Variants in TPCN1 observed in about 807,000 individuals in gnomAD.
TPCN1 encodes the protein two pore channel protein 1.
TPCN1 carries 52 observed loss-of-function variants against 108.8 expected under a neutral mutation model. That is an observed-to-expected ratio of 0.48 (90% CI 0.38 to 0.60). TPCN1 has a LOEUF of 0.60. Ranked by LOEUF, TPCN1 falls within the 20% of genes least tolerant of loss-of-function variation. The pLI is 0.00. For synonymous variants in TPCN1, 446 were observed against 433.7 expected (o/e 1.03, Z -0.35); for missense variants, 806 against 1,072.8 (o/e 0.75, Z 3.47).
intron 2 of TPCN1, among the ~76,000 whole-genome samples, chr12:113,241,592 T>C (rs185803869): frequency 2.0e-5 from 3 of 152,318 alleles, no homozygotes; most frequent in African/African-American, 7.2e-5. Context: ...AGCGCACCAG[T>C]GCACAGTGAA....
At position 113,266,120 on chromosome 12, in the gene TPCN1, C is replaced by G. The variant is rs1284159417; in HGVS notation, c.238-60C>G. Reference sequence around the variant, plus strand: ...TTCCTTTCCTCCCCTGCCCGCGGCTCCTCTTTGGCGTTGGATGGGTCTCCA... The same window carrying G: ...TTCCTTTCCTCCCCTGCCCGCGGCTGCTCTTTGGCGTTGGATGGGTCTCCA... On this transcript the variant is annotated intron_variant, in intron 3 of 27. Coordinates refer to ENST00000335509, the MANE Select transcript of TPCN1 (RefSeq NM_017901.6). This position sits in a 1 kb window ranked among gnomAD's most constrained non-coding sequence, Gnocchi z 4.2. 4 of 1,586,322 alleles carry G rather than the reference C, an allele frequency of 2.5e-6. No individual in the cohort carries two copies. The highest frequency in any genetic ancestry group is 1.3e-5 in the African/African-American group (1 of 74,356).
At position 113,278,808 on chromosome 12, in the gene TPCN1, C is replaced by A; in HGVS notation, c.1270C>A (p.Pro424Thr). 6.2e-7 allele frequency: 1 copy of A among 1,613,982 alleles called. No homozygotes were observed. The change falls in exon 14 of 28, where the codon CCC becomes ACC. Residue 424 changes from proline to threonine, a missense_variant. Coordinates refer to ENST00000335509, the MANE Select transcript of TPCN1 (RefSeq NM_017901.6). The part of the protein sequence containing the change: ...KNREHWFDEL[P>T]RTALLIFKGI... ...CAGAGAGCACTGGTTTGATGAGCTTCCCAGGACGGCGCTCCTCATCTTCAA... is the reference window on the plus strand; with the variant it reads ...CAGAGAGCACTGGTTTGATGAGCTTACCAGGACGGCGCTCCTCATCTTCAA...
rs531916685 is a variant in TPCN1, at chr12:113,265,551, T to TC, written c.238-629_238-628insC. On this transcript the variant is annotated intron_variant, in intron 3 of 27. Transcript: ENST00000335509. ...AGGACCTTTTTTCTTTTTCTTTCTT[T>TC]TTTTTTTTTTTTTGAGACCAGGTCT... Among the ~76,000 whole-genome samples the TC allele has an allele frequency of 7.4e-5, 11 of 149,618 alleles. No homozygotes were observed. In the South Asian group the frequency reaches 2.3e-3, roughly 31 times the overall value.
chr12:113,275,899 C>T (rs562911390), intron 10 of TPCN1, among the ~76,000 whole-genome samples: 2 of 152,302 alleles, frequency 1.3e-5, no homozygotes, highest in African/African-American at 4.8e-5. Context: ...TTTAATTCCT[C>T]AAAACCAAGA....
intron 3 of TPCN1, among the ~76,000 whole-genome samples, chr12:113,262,357 C>G (rs1955073198): frequency 6.6e-6 from 1 of 150,740 alleles, no homozygotes; most frequent in South Asian, 2.1e-4. Context: ...CTCCAGTGAG[C>G]CGTGTTTGTG....
intron 14 of TPCN1, among the ~76,000 whole-genome samples, chr12:113,279,898 G>T (rs1025966555): frequency 2.0e-5 from 3 of 152,130 alleles, no homozygotes; most frequent in Non-Finnish European, 4.4e-5. Context: ...CTTGGTTCCA[G>T]GTTGCTCAGG....
chr12:113,275,798 A>G (rs1221751845), intron 10 of TPCN1, among the ~76,000 whole-genome samples: 2 of 151,654 alleles, frequency 1.3e-5, no homozygotes, highest in African/African-American at 4.8e-5. Context: ...GGATGGTCTC[A>G]ATCTCCTGAC....
At chr12:113,280,391 C>T (rs1262627637) in intron 15 of TPCN1, 196 bp downstream of exon 15, 11 of 473,214 alleles carry the variant, frequency 2.3e-5, no homozygotes, top group East Asian at 6.2e-5. Flanking sequence ...ATCTTCACTC[C>T]GGCTCATCAT....
intron 2 of TPCN1, among the ~76,000 whole-genome samples, chr12:113,238,778 T>C (rs1486609095): frequency 6.6e-6 from 1 of 152,134 alleles, no homozygotes; most frequent in Non-Finnish European, 1.5e-5. Context: ...TGAATCAGAG[T>C]TTGCTTTGTG....
rs1955286365 is a variant in TPCN1 at position 113,266,961 on chromosome 12, A to G, written c.414+605A>G. Among the ~76,000 whole-genome samples the G allele has an allele frequency of 6.6e-6, 1 of 152,058 alleles. No homozygotes were observed. On this transcript the variant is annotated intron_variant, in intron 4 of 27. Coordinates refer to ENST00000335509, the MANE Select transcript of TPCN1 (RefSeq NM_017901.6). The surrounding 1 kb of genome is among the most constrained non-coding windows in gnomAD (Gnocchi z 4.2). Reference sequence around the variant, plus strand: ...TTTCCCTTCCTGTTTCTCCTTCTTCATGCCTGGAACTCACAGCTCCAGCCA... The same window carrying G: ...TTTCCCTTCCTGTTTCTCCTTCTTCGTGCCTGGAACTCACAGCTCCAGCCA...
At chr12:113,257,168 A>G (rs1477670468) in intron 2 of TPCN1, among the ~76,000 whole-genome samples, 1 of 152,208 alleles carries the variant, frequency 6.6e-6, no homozygotes, top group Non-Finnish European at 1.5e-5. Flanking sequence ...AACATGAAAA[A>G]CAATGATATA....
chr12:113,288,737 C>T lies in TPCN1; in HGVS notation c.1707-21C>T. On this transcript the variant is annotated intron_variant, in intron 20 of 27. Transcript: ENST00000335509. This position sits in a 1 kb window ranked among gnomAD's most constrained non-coding sequence, Gnocchi z 4.8. The stretch of plus-strand genomic sequence containing the variant: ...TTCCCTCCTGCCGGCCCCGCGTCAC[C>T]CTGCCCCTGTCGCCCCACAGCCTGG... 3 of 1,610,768 alleles carry T rather than the reference C, an allele frequency of 1.9e-6. No individual in the cohort carries two copies. Among genetic ancestry groups the T allele is most frequent in the African/African-American group, 1.3e-5 (1 of 75,058 alleles).
At chr12:113,244,394 T>C (rs958216962) in intron 2 of TPCN1, 2 of 985,376 alleles carry the variant, frequency 2.0e-6, no homozygotes, top group African/African-American at 3.5e-5. Context: ...CTGCTTGGGT[T>C]TGGAGCCTTT....
At chr12:113,227,383 C>T (rs955408534) in intron 2 of TPCN1, among the ~76,000 whole-genome samples, 4 of 152,212 alleles carry the variant, frequency 2.6e-5, no homozygotes, top group East Asian at 1.9e-4. Flanking sequence ...CAGCACTGCC[C>T]GCGTCTCTTT....
In TPCN1 at chr12:113,269,749, C is replaced by G; in HGVS notation, c.660-8C>G. 6.2e-7 allele frequency: 1 copy of G among 1,612,916 alleles called. No individual in the cohort carries two copies. Among genetic ancestry groups the G allele is most frequent in the Non-Finnish European group, 8.5e-7 (1 of 1,179,888 alleles). ...GTGCCTCCCCTGAGCTGGCCCATCT[C>G]TCCCCAGCAACCTGCGGCAGATCTT... is the stretch of plus-strand genomic sequence containing the variant. On this transcript the variant is annotated splice_region_variant and splice_polypyrimidine_tract_variant and intron_variant, in intron 6 of 27. Transcript: ENST00000335509. The surrounding 1 kb of genome is among the most constrained non-coding windows in gnomAD (Gnocchi z 5.0).
chr12:113,287,339 G>A (rs1179298222), intron 19 of TPCN1: 3 of 517,734 alleles, frequency 5.8e-6, no homozygotes, highest in Non-Finnish European at 1.0e-5. Flanking sequence ...TGACTCATGT[G>A]CACCCCACCT....
chr12:113,263,433 G>A lies in TPCN1; in HGVS notation c.238-2747G>A, dbSNP rs146529015. ...CTGCCGCCACACCAGGCTAATTTTTGTATTTTTAGTAGAGATGGGGTTTCA... is the reference window on the plus strand; with the variant it reads ...CTGCCGCCACACCAGGCTAATTTTTATATTTTTAGTAGAGATGGGGTTTCA... On this transcript the variant is annotated intron_variant, in intron 3 of 27. Transcript: ENST00000335509. Among the ~76,000 whole-genome samples the A allele has an allele frequency of 5.3e-4, 80 of 152,316 alleles. 1 individual carries two copies. Among genetic ancestry groups the A allele is most frequent in the African/African-American group, 1.8e-3 (75 of 41,576 alleles).
Position 113,226,960 on chromosome 12 carries a change from C to A in TPCN1, c.108C>A (p.Ser36Arg), listed in dbSNP as rs1953492764. 1.2e-6 allele frequency: 2 copies of A among 1,611,866 alleles called. No homozygotes were observed. The highest frequency in any genetic ancestry group is 3.4e-5 in the Admixed American group (2 of 59,644). Residue 36 changes from serine (S) to arginine (R), a missense_variant, in exon 2 of 28, where the codon AGC becomes AGA. Physicochemically the swap from Ser to Arg is moderately radical, Grantham distance 110. Transcript: ENST00000335509. ...GCCTGGGCCAAGAAGAGCTACCTAG[C>A]AAAAGTAAGATGGTGGGGTGGGCTG... Reference protein sequence around the residue: ...SNGLGQEELPSKNGGSYAIHD... With the variant: ...SNGLGQEELPRKNGGSYAIHD...
chr12:113,244,799 G>C, intron 2 of TPCN1: 5 of 976,814 alleles, frequency 5.1e-6, no homozygotes, highest in Non-Finnish European at 6.1e-6. Context: ...ACTGGTCCCA[G>C]TTTCTGGATG....
Sources: gnomAD v4.1 joint callset for allele counts (sites outside exome capture counted in the v4.1 genomes callset) on GRCh38, gnomAD v4.1.1 for gene constraint, Gnocchi (gnomAD v3.1) non-coding constraint, MANE v1.5 for transcripts, NCBI Gene and HGNC (gene_info 2026-07-23, HGNC 2026-07-21) for gene names.